WWC1: variants seen among roughly 807,000 people sequenced by gnomAD.
WWC1 encodes the protein WW and C2 domain containing 1.
In WWC1, 55 loss-of-function variants were observed where a neutral mutation model predicts 138.4. The ratio of observed to expected loss-of-function variants is 0.40; its 90% CI spans 0.32 to 0.50. The LOEUF (loss-of-function observed/expected upper bound fraction) is 0.50. WWC1 is among the 20% of genes least tolerant of loss of function. The pLI is 0.72. For missense variants in WWC1, 1,226 were observed against 1,420.4 expected, an observed-to-expected ratio of 0.86 and a Z score of 2.20; for synonymous variants, 524 against 564.9, an observed-to-expected ratio of 0.93 and a Z score of 1.03.
Position 168,391,552 on chromosome 5 carries a change from G to A in WWC1, c.433+6138G>A, listed in dbSNP as rs187688145. Among the ~76,000 whole-genome samples the A allele has an allele frequency of 9.7e-3, 1,472 of 151,212 alleles. 79 individuals carry two copies. Among genetic ancestry groups the A allele is most frequent in the Admixed American group, 0.088 (1,341 of 15,166 alleles). On this transcript the variant is annotated intron_variant, in intron 3 of 22. Transcript: ENST00000265293. ...TGGGTGCCTGTAGTCCCAGCTACTC[G>A]GGAGGCTGAGGCAGGAGAATAGTGT... is the stretch of plus-strand genomic sequence containing the variant.
At position 168,460,684 on chromosome 5, in the gene WWC1, C is replaced by A. The variant is rs1397878526; in HGVS notation, c.2858C>A (p.Ser953Tyr). The part of the protein sequence containing the change: ...NRSDSDSSTL[S>Y]KKPPFVRNSL... ...AGTGATAGTGACAGCTCCACTCTGT[C>A]CAAAAAGCCACCTTTTGTTCGAAAC... The change falls in exon 20 of 23, where the codon TCC becomes TAC. Residue 953 changes from serine (S) to tyrosine (Y), a missense_variant. Physicochemically the swap from Ser to Tyr is moderately radical, Grantham distance 144. Transcript: ENST00000265293. The A allele has an allele frequency of 4.3e-6, 7 of 1,614,014 alleles. No individual in the cohort carries two copies. Among genetic ancestry groups the A allele is most frequent in the Non-Finnish European group, 5.9e-6 (7 of 1,180,032 alleles).
chr5:168,436,360 C>A (rs1782352024), intron 15 of WWC1, among the ~76,000 whole-genome samples: 1 of 152,134 alleles, frequency 6.6e-6, no homozygotes, highest in African/African-American at 2.4e-5. Context: ...TGTTGGTCTC[C>A]TTTGCTGATT....
chr5:168,300,714 T>G (rs1046514085), intron 1 of WWC1, among the ~76,000 whole-genome samples: 4 of 152,090 alleles, frequency 2.6e-5, no homozygotes, highest in Non-Finnish European at 5.9e-5. Context: ...CTTTCCCCAG[T>G]CGGCTGCCTG....
intron 15 of WWC1, among the ~76,000 whole-genome samples, chr5:168,432,845 C>G (rs75194352): frequency 0.011 from 1,656 of 152,278 alleles, 28 homozygotes; most frequent in East Asian, 0.044. Context: ...ATGTATACAC[C>G]TCTCCGAGCC....
intron 1 of WWC1, among the ~76,000 whole-genome samples, chr5:168,305,006 G>A (rs550406585): frequency 5.3e-5 from 8 of 151,954 alleles, no homozygotes; most frequent in African/African-American, 1.9e-4. Context: ...TGTATTTTTA[G>A]TAGAGACAGG....
At chr5:168,459,773 G>A (rs1006415934) in intron 19 of WWC1, among the ~76,000 whole-genome samples, 4 of 152,110 alleles carry the variant, frequency 2.6e-5, no homozygotes, top group Non-Finnish European at 4.4e-5. Flanking sequence ...CAGGAGACCT[G>A]CAACAGTGAA....
intron 2 of WWC1, among the ~76,000 whole-genome samples, chr5:168,375,607 G>T (rs546330833): frequency 6.6e-6 from 1 of 150,990 alleles, no homozygotes; most frequent in Non-Finnish European, 1.5e-5. Flanking sequence ...ACGAAGTCTC[G>T]CTCTGTCGCC....
intron 1 of WWC1, among the ~76,000 whole-genome samples, chr5:168,364,077 ATACTG>A (rs1359448544): frequency 6.6e-6 from 1 of 152,108 alleles, no homozygotes; most frequent in African/African-American, 2.4e-5. Context: ...CCGGCACTAG[ATACTG>A]TATAGGTTAT....
intron 1 of WWC1, among the ~76,000 whole-genome samples, chr5:168,302,000 A>G (rs990579495): frequency 1.3e-5 from 2 of 152,174 alleles, no homozygotes; most frequent in African/African-American, 4.8e-5. Flanking sequence ...TATCAGGGGC[A>G]AGCCCTTCTT....
At chr5:168,344,846 T>C (rs1340359435) in intron 1 of WWC1, among the ~76,000 whole-genome samples, 1 of 152,152 alleles carries the variant, frequency 6.6e-6, no homozygotes, top group Non-Finnish European at 1.5e-5. Flanking sequence ...TTTTGAGAAA[T>C]GAAACTAAAA....
intron 19 of WWC1, among the ~76,000 whole-genome samples, chr5:168,456,238 A>G (rs1051110816): frequency 1.3e-5 from 2 of 152,144 alleles, no homozygotes; most frequent in African/African-American, 2.4e-5. Context: ...CAGGAGTCCA[A>G]CGCTGCAGTG....
At chr5:168,394,698 C>A (rs1778762203) in intron 3 of WWC1, among the ~76,000 whole-genome samples, 1 of 152,138 alleles carries the variant, frequency 6.6e-6, no homozygotes, top group African/African-American at 2.4e-5. Flanking sequence ...TGCATTCCAG[C>A]CTGGGCAACA....
Position 168,467,978 on chromosome 5 carries a change from C to T in WWC1, c.3275+14C>T, listed in dbSNP as rs2152898494. 1 of 1,613,812 alleles carries T rather than the reference C, an allele frequency of 6.2e-7. No individual in the cohort carries two copies. The highest frequency in any genetic ancestry group is 8.5e-7 in the Non-Finnish European group (1 of 1,179,738). On this transcript the variant is annotated intron_variant, in intron 22 of 22. Coordinates refer to ENST00000265293, the MANE Select transcript of WWC1 (RefSeq NM_015238.3). ...TCAGTCTTTCAGGTAAGCAGAGGGC[C>T]CCGGCAGCCCCCCATCCCTTTCTCA... is the stretch of plus-strand genomic sequence containing the variant.
rs1465881040 is a variant in WWC1 at position 168,423,462 on chromosome 5, C to A, written c.1275-71C>A. ...AGTGAGATCATGGTGCTTTCCAGAG[C>A]TCAGCAGAAGGTCTCAGGGGGCCCA... On this transcript the variant is annotated intron_variant, in intron 10 of 22. Coordinates refer to ENST00000265293, the MANE Select transcript of WWC1 (RefSeq NM_015238.3). 4 of 1,498,132 alleles carry A rather than the reference C, an allele frequency of 2.7e-6. No individual in the cohort carries two copies. In the African/African-American group the frequency reaches 4.2e-5, roughly 16 times the overall value. The allele number at this position is 1,498,132 out of a possible 1,614,324, so 92.8% of individuals were successfully genotyped here. A position where few individuals can be genotyped will look rare whatever the true frequency, so the allele number is the denominator to read the frequency against.
chr5:168,352,525 G>A (rs970083800), intron 1 of WWC1, among the ~76,000 whole-genome samples: 1 of 151,878 alleles, frequency 6.6e-6, no homozygotes, highest in Admixed American at 6.6e-5. Context: ...AGGACCTAAG[G>A]CATGCGACTT....
chr5:168,425,133 C>A (rs1476385344), intron 11 of WWC1, among the ~76,000 whole-genome samples: 2 of 152,156 alleles, frequency 1.3e-5, no homozygotes, highest in African/African-American at 2.4e-5. Flanking sequence ...TGCCTTAGGT[C>A]ACCCAGCCAA....
intron 15 of WWC1, among the ~76,000 whole-genome samples, chr5:168,437,849 A>G (rs182880829): frequency 1.3e-5 from 2 of 152,240 alleles, no homozygotes; most frequent in Admixed American, 1.3e-4. Flanking sequence ...CTGAACTGTA[A>G]TATCCAAATA....
At chr5:168,434,344 G>C (rs541228580) in intron 15 of WWC1, among the ~76,000 whole-genome samples, 15 of 140,604 alleles carry the variant, frequency 1.1e-4, no homozygotes, top group African/African-American at 3.9e-4. Flanking sequence ...GGCTGGAGGA[G>C]GAGAGGAAGT....
At chr5:168,376,379 A>G (rs1329192687) in intron 2 of WWC1, among the ~76,000 whole-genome samples, 2 of 152,176 alleles carry the variant, frequency 1.3e-5, no homozygotes, top group Non-Finnish European at 2.9e-5. Context: ...TAATACATCA[A>G]AAGGATGTGT....
Sources: gnomAD v4.1 joint callset for allele counts (sites outside exome capture counted in the v4.1 genomes callset) on GRCh38, gnomAD v4.1.1 for gene constraint, MANE v1.5 for transcripts, NCBI Gene and HGNC (gene_info 2026-07-23, HGNC 2026-07-21) for gene names.